TMEM154: variants seen among roughly 807,000 people sequenced by gnomAD.
TMEM154 encodes transmembrane protein 154.
TMEM154 carries 27 observed loss-of-function variants against 24.5 expected under a neutral mutation model. The ratio of observed to expected loss-of-function variants is 1.10; its 90% CI spans 0.81 to 1.52. The LOEUF (loss-of-function observed/expected upper bound fraction) is 1.52, where lower values mean the gene tolerates loss of function less well. TMEM154 is among the 40% of genes most tolerant of loss of function. TMEM154 has a pLI of 0.00. For missense variants in TMEM154, 228 were observed against 213.4 expected (o/e 1.07, Z -0.43); for synonymous variants, 67 against 76.8 (o/e 0.87, Z 0.67).
intron 3 of TMEM154, among the ~76,000 whole-genome samples, chr4:152,651,604 C>T (rs757745080): frequency 2.6e-5 from 4 of 152,212 alleles, no homozygotes; most frequent in East Asian, 1.9e-4. Context: ...CTGGATTAGG[C>T]TTAGGCTTAA....
chr4:152,677,669 G>A (rs2149792562), intron 1 of TMEM154, among the ~76,000 whole-genome samples: 1 of 152,314 alleles, frequency 6.6e-6, no homozygotes, highest in South Asian at 2.1e-4. Context: ...CAATTAGCAT[G>A]TTGGATTATT....
At chr4:152,645,658 G>T (rs764302449) in intron 3 of TMEM154, among the ~76,000 whole-genome samples, 6 of 152,188 alleles carry the variant, frequency 3.9e-5, no homozygotes, top group Non-Finnish European at 5.9e-5. Context: ...GCCTCCTATT[G>T]TCTGTCCTGG....
chr4:152,628,241 G>T lies in TMEM154; in HGVS notation c.*305C>A. 1 of 470,822 alleles carries T rather than the reference G, an allele frequency of 2.1e-6. No individual in the cohort carries two copies. The highest frequency in any genetic ancestry group is 3.7e-6 in the Non-Finnish European group (1 of 267,088). 29.2% of individuals were successfully genotyped at this position (470,822 alleles called of 1,614,324 possible). ...CCAGAGTGAGTTCAGTGAGCTAGAA[G>T]TTGGCTGAGAGGAGGCAACACATGT... On this transcript the variant is annotated 3_prime_UTR_variant, in exon 7 of 7. Coordinates refer to ENST00000304385, the MANE Select transcript of TMEM154 (RefSeq NM_152680.3).
At position 152,678,858 on chromosome 4, in the gene TMEM154, G is replaced by A. The variant is rs79903828; in HGVS notation, c.64+1012C>T. ...GGGGGACCACATGGAGAACACCCAGGGGAAGAGAAATTGATGGAGTGGGGT... is the reference window on the plus strand; with the variant it reads ...GGGGGACCACATGGAGAACACCCAGAGGAAGAGAAATTGATGGAGTGGGGT... On this transcript the variant is annotated intron_variant, in intron 1 of 6. Coordinates refer to ENST00000304385, the MANE Select transcript of TMEM154 (RefSeq NM_152680.3). 7.9e-5 allele frequency among the ~76,000 whole-genome samples: 12 copies of A among 152,316 alleles called. No individual in the cohort carries two copies. The East Asian group carries it at 2.3e-3, about 29-fold the overall frequency.
chr4:152,679,783 C>T, intron 1 of TMEM154, 87 bp downstream of exon 1: 1 of 1,535,416 alleles, frequency 6.5e-7, no homozygotes, highest in Non-Finnish European at 8.8e-7. Context: ...CTGGGTGTCA[C>T]CCTCCCCGGC....
intron 6 of TMEM154, among the ~76,000 whole-genome samples, chr4:152,636,549 C>G (rs552054128): frequency 6.6e-6 from 1 of 152,328 alleles, no homozygotes; most frequent in East Asian, 1.9e-4. Context: ...GATTCCATAG[C>G]TCAGGAAGAA....
chr4:152,643,220 G>C (rs1232235158), intron 4 of TMEM154, 47 bp from the exon 5 acceptor site: 1 of 1,365,878 alleles, frequency 7.3e-7, no homozygotes, highest in South Asian at 1.2e-5. Flanking sequence ...TGTGAAAGAT[G>C]CCTAATTTCA....
At chr4:152,652,992 G>T (rs1728418893) in intron 1 of TMEM154, 65 bp from the exon 2 acceptor site, 2 of 1,445,068 alleles carry the variant, frequency 1.4e-6, no homozygotes, top group Admixed American at 2.5e-5. Context: ...TATTGTCAAT[G>T]ATTTTTAAAT....
rs1751879669 is a variant in TMEM154 at position 152,624,070 on chromosome 4, A to G, written c.*4476T>C. 6.6e-6 allele frequency: 1 copy of G among 152,194 alleles called. No individual in the cohort carries two copies. Among genetic ancestry groups the G allele is most frequent in the African/African-American group, 2.4e-5 (1 of 41,448 alleles). The allele number at this position is 152,194 out of a possible 1,614,324, so 9.4% of individuals were successfully genotyped here. ...CAAAGCCCATCCACCTTTGTCTTAA[A>G]CAGGTCTACATTGTACTTCTAAACT... On this transcript the variant is annotated 3_prime_UTR_variant, in exon 7 of 7. Transcript: ENST00000304385.
chr4:152,669,021 G>C (rs1728777554), intron 1 of TMEM154: 1 of 152,136 alleles, frequency 6.6e-6, no homozygotes, highest in African/African-American at 2.4e-5. Flanking sequence ...TCCTATCGTG[G>C]CTGGAGCTAT....
At chr4:152,636,240 C>A (rs1475171987) in intron 6 of TMEM154, among the ~76,000 whole-genome samples, 1 of 152,190 alleles carries the variant, frequency 6.6e-6, no homozygotes, top group South Asian at 2.1e-4. Flanking sequence ...TCTGTCGTTA[C>A]CATGTGTTGG....
chr4:152,629,835 T>C (rs1431827923), intron 6 of TMEM154, among the ~76,000 whole-genome samples: 8 of 151,986 alleles, frequency 5.3e-5, no homozygotes, highest in Admixed American at 5.2e-4. Context: ...GATAGATAAA[T>C]AGGTAGATAA....
chr4:152,655,278 C>T lies in TMEM154; in HGVS notation c.65-2351G>A, dbSNP rs543103531. 1.2e-3 allele frequency among the ~76,000 whole-genome samples: 182 copies of T among 152,330 alleles called. 1 individual carries two copies. The highest frequency in any genetic ancestry group is 4.3e-3 in the African/African-American group (180 of 41,576). On this transcript the variant is annotated intron_variant, in intron 1 of 6. Coordinates refer to ENST00000304385, the MANE Select transcript of TMEM154 (RefSeq NM_152680.3). ...CTGGCTGGGAGCCAGGAGAAGCTCC[C>T]CAATGTGGGGAAAGGGTAGTGGTCC... is the stretch of plus-strand genomic sequence containing the variant.
In TMEM154 at chr4:152,643,139, C is replaced by T. The variant is rs747209423; in HGVS notation, c.427G>A (p.Glu143Lys). Residue 143 changes from glutamate (E) to lysine (K), a missense_variant, in exon 5 of 7, where the codon GAA (glutamate) becomes AAA (lysine). Coordinates refer to ENST00000304385, the MANE Select transcript of TMEM154 (RefSeq NM_152680.3). ...IFEEDTPSVM[E>K]IEMEELDKWM... ...TTATCAAGCTCTTCCATTTCAATTTCCATAACAGAGGGTGTATCTTCCTCA... is the reference window on the plus strand; with the variant it reads ...TTATCAAGCTCTTCCATTTCAATTTTCATAACAGAGGGTGTATCTTCCTCA... The T allele has an allele frequency of 1.5e-5, 25 of 1,613,134 alleles. No homozygotes were observed. In the Admixed American group the frequency reaches 4.2e-4, roughly 27 times the overall value.
intron 6 of TMEM154, among the ~76,000 whole-genome samples, chr4:152,631,476 C>T (rs760530209): frequency 2.0e-5 from 3 of 152,170 alleles, no homozygotes; most frequent in South Asian, 2.1e-4. Context: ...CCATGTCACC[C>T]AGGCTGGAGT....
chr4:152,619,902 T>C lies in TMEM154; in HGVS notation c.*8644A>G, dbSNP rs1446564209. 2 of 152,230 alleles carry C rather than the reference T, an allele frequency of 1.3e-5. No homozygotes were observed. Among genetic ancestry groups the C allele is most frequent in the African/African-American group, 2.4e-5 (1 of 41,476 alleles). 9.4% of individuals were successfully genotyped at this position (152,230 alleles called of 1,614,324 possible). A position where few individuals can be genotyped will look rare whatever the true frequency, so the allele number is the denominator to read the frequency against. ...AAAAATAAATTGAGTGTTGTTGTTT[T>C]AAGCTGCTAAGTTTTGAGGTGTTTA... On this transcript the variant is annotated 3_prime_UTR_variant, in exon 7 of 7. Coordinates refer to ENST00000304385, the MANE Select transcript of TMEM154 (RefSeq NM_152680.3).
chr4:152,651,977 G>T (rs544026813), intron 3 of TMEM154, among the ~76,000 whole-genome samples: 1 of 152,316 alleles, frequency 6.6e-6, no homozygotes, highest in East Asian at 1.9e-4. Flanking sequence ...CTGAAGACAG[G>T]GAGAGAGACA....
chr4:152,652,537 C>T lies in TMEM154; in HGVS notation c.364+1G>A. ...TAGGCAGGTTTTAGGATAATACTCA[C>T]ATGTCTGTAAAGCACTCTGAGATCC... On this transcript the variant is annotated splice_donor_variant, in intron 3 of 6. Transcript: ENST00000304385. LOFTEE classifies it high-confidence loss of function. 6.2e-7 allele frequency: 1 copy of T among 1,613,900 alleles called. No individual in the cohort carries two copies. Among genetic ancestry groups the T allele is most frequent in the Non-Finnish European group, 8.5e-7 (1 of 1,179,900 alleles).
intron 1 of TMEM154, among the ~76,000 whole-genome samples, chr4:152,661,341 T>TCCCC (rs1282608677): frequency 9.2e-6 from 1 of 109,234 alleles, no homozygotes; most frequent in African/African-American, 3.5e-5. Flanking sequence ...TCTCTCTCTC[T>TCCCC]CCCCCCAACT....
Sources: allele counts gnomAD v4.1 joint callset (sites outside exome capture counted in the v4.1 genomes callset), GRCh38; gene constraint gnomAD v4.1.1; transcripts MANE v1.5; gene names NCBI Gene and HGNC (gene_info 2026-07-23, HGNC 2026-07-21).